The following ZNF831 variants were observed in gnomAD, a reference collection of about 807,000 sequenced individuals.
ZNF831 encodes zinc finger protein 831, also known as chromosome 20 open reading frame 174.
ZNF831 carries 59 observed loss-of-function variants against 95.8 expected under a neutral mutation model. The ratio of observed to expected loss-of-function variants is 0.62; its 90% CI spans 0.50 to 0.77. ZNF831 has a LOEUF of 0.77. Among genes scored for constraint, ZNF831 ranks in the 30% least tolerant of loss-of-function variants. The pLI, the probability that ZNF831 is intolerant of heterozygous loss-of-function variation, is 0.00. For missense variants in ZNF831, 2,205 were observed against 2,164.0 expected, an observed-to-expected ratio of 1.02 and a Z score of -0.38; for synonymous variants, 961 against 925.5, an observed-to-expected ratio of 1.04 and a Z score of -0.70.
intron 1 of ZNF831, among the ~76,000 whole-genome samples, chr20:59,126,680 C>T (rs1417131609): frequency 6.6e-6 from 1 of 152,220 alleles, no homozygotes; most frequent in African/African-American, 2.4e-5. Context: ...CATGCATGGC[C>T]TGAGGCCACG....
At chr20:59,148,714 AAAAAAAAAAAG>A (rs1980038097) in intron 2 of ZNF831, among the ~76,000 whole-genome samples, 1 of 113,940 alleles carries the variant, frequency 8.8e-6, no homozygotes, top group Non-Finnish European at 2.1e-5. Flanking sequence ...AAAAAAAAAA[AAAAAAAAAAAG>A]AACAGAGCGT....
intron 4 of ZNF831, among the ~76,000 whole-genome samples, chr20:59,238,017 T>C (rs1987099920): frequency 6.6e-6 from 1 of 152,224 alleles, no homozygotes. Context: ...GACATATTTA[T>C]GCTAAAAATG....
At chr20:59,163,594 G>A (rs560242861), upstream of ZNF831, among the ~76,000 whole-genome samples, 1 of 152,176 alleles carries the variant, frequency 6.6e-6, no homozygotes, top group East Asian at 1.9e-4. Flanking sequence ...AAACTTGCCT[G>A]CACAGAACAA....
At position 59,254,337 on chromosome 20, in the gene ZNF831, TGCC is replaced by T; in HGVS notation, c.4629_4631del (p.Pro1544del). 1.9e-6 allele frequency: 3 copies of T among 1,614,064 alleles called. No homozygotes were observed. Among genetic ancestry groups the T allele is most frequent in the Non-Finnish European group, 2.5e-6 (3 of 1,180,016 alleles). ...GAAGAGGGCAGAGCACAGACCCTCTTGCCAGGGAGACCTTCATCTGGACAAAGA... is the reference window on the plus strand; with the variant it reads ...GAAGAGGGCAGAGCACAGACCCTCTTAGGGAGACCTTCATCTGGACAAAGA... On this transcript the variant is annotated inframe_deletion, in exon 6 of 6. Transcript: ENST00000371030. This position sits in a 1 kb window ranked among gnomAD's most constrained non-coding sequence, Gnocchi z 4.5.
chr20:59,251,044 G>C (rs1264535938), intron 4 of ZNF831, among the ~76,000 whole-genome samples: 1 of 152,174 alleles, frequency 6.6e-6, no homozygotes, highest in Non-Finnish European at 1.5e-5. Flanking sequence ...AAAAATTGCT[G>C]AGAGTATAAG....
In ZNF831 at chr20:59,193,147, C is replaced by T. The variant is rs1170946206; in HGVS notation, c.2128C>T (p.His710Tyr). Residue 710 changes from histidine to tyrosine, a missense_variant, in exon 2 of 6, where the codon CAT becomes TAT. Coordinates refer to ENST00000371030, the MANE Select transcript of ZNF831 (RefSeq NM_178457.3). ...CTCCTTGGTGACTGAACCCACTAAG[C>T]ATGGGGAGACGGTGGCCAGGAGAGG... ...EASLVTEPTKHGETVARRGDS... is the reference protein window; with the variant it reads ...EASLVTEPTKYGETVARRGDS... The T allele has an allele frequency of 6.3e-7, 1 of 1,576,410 alleles. No homozygotes were observed. Among genetic ancestry groups the T allele is most frequent in the Non-Finnish European group, 8.6e-7 (1 of 1,160,692 alleles).
rs370767028 is a variant in ZNF831, at chr20:59,193,753, G to C, written c.2734G>C (p.Ala912Pro). 3 of 1,609,252 alleles carry C rather than the reference G, an allele frequency of 1.9e-6. No individual in the cohort carries two copies. The highest frequency in any genetic ancestry group is 1.3e-5 in the African/African-American group (1 of 74,990). ...KATPLHPAAP[A>P]PAEHPSLATP... Reference sequence around the variant, plus strand: ...TACCCCACTGCATCCTGCAGCCCCAGCCCCCGCAGAGCACCCCTCGCTGGC... The same window carrying C: ...TACCCCACTGCATCCTGCAGCCCCACCCCCCGCAGAGCACCCCTCGCTGGC... Residue 912 changes from alanine to proline, a missense_variant, in exon 2 of 6, where the codon GCC (alanine) becomes CCC (proline). Coordinates refer to ENST00000371030, the MANE Select transcript of ZNF831 (RefSeq NM_178457.3).
chr20:59,173,836 T>C (rs1247113806), intron 1 of ZNF831, among the ~76,000 whole-genome samples: 1 of 152,110 alleles, frequency 6.6e-6, no homozygotes, highest in Non-Finnish European at 1.5e-5. Flanking sequence ...GGCGTAGGAA[T>C]GATTAGTTAC....
chr20:59,256,769 G>A lies in ZNF831; in HGVS notation c.*2026G>A, dbSNP rs1398024894. ...GGGACAGTGAGGAACTGAAACACAA[G>A]CACCTTCCACCAATTATTGCTGTGA... On this transcript the variant is annotated 3_prime_UTR_variant, in exon 6 of 6. Coordinates refer to ENST00000371030, the MANE Select transcript of ZNF831 (RefSeq NM_178457.3). 6.6e-6 allele frequency: 1 copy of A among 152,218 alleles called. No homozygotes were observed. Among genetic ancestry groups the A allele is most frequent in the East Asian group, 1.9e-4 (1 of 5,202 alleles). 9.4% of individuals were successfully genotyped at this position (152,218 alleles called of 1,614,324 possible).
At chr20:59,185,411 C>T (rs1982936589) in intron 1 of ZNF831, among the ~76,000 whole-genome samples, 1 of 152,112 alleles carries the variant, frequency 6.6e-6, no homozygotes, top group Admixed American at 6.5e-5. Context: ...TTTGAAGCCC[C>T]AAGCCTCCCA....
At chr20:59,211,512 T>C (rs951509546) in intron 4 of ZNF831, among the ~76,000 whole-genome samples, 1 of 151,980 alleles carries the variant, frequency 6.6e-6, no homozygotes, top group Non-Finnish European at 1.5e-5. Context: ...AGTTGGAGGG[T>C]GGAAGAATGC....
intron 4 of ZNF831, 90 bp from the exon 5 acceptor site, chr20:59,252,888 G>T: frequency 7.1e-7 from 1 of 1,403,358 alleles, no homozygotes. Flanking sequence ...GCTCAGAGGC[G>T]ATCAAGAAGT....
In ZNF831 at chr20:59,217,907, C is replaced by T. The variant is rs529414662; in HGVS notation, c.4027+10851C>T. Among the ~76,000 whole-genome samples, 52 of 152,290 alleles carry T rather than the reference C, an allele frequency of 3.4e-4. No individual in the cohort carries two copies. The South Asian group carries it at 9.7e-3, about 29-fold the overall frequency. Reference sequence around the variant, plus strand: ...CTCAGCAGAGGCACGATGGATCAGCCTGCTCTGGGGGGACTCTGTCACTGC... The same window carrying T: ...CTCAGCAGAGGCACGATGGATCAGCTTGCTCTGGGGGGACTCTGTCACTGC... On this transcript the variant is annotated intron_variant, in intron 4 of 5. Transcript: ENST00000371030. This position sits in a 1 kb window ranked among gnomAD's most constrained non-coding sequence, Gnocchi z 4.4.
At position 59,166,335 on chromosome 20, in the gene ZNF831, A is replaced by G. The variant is rs563040239; in HGVS notation, c.-37+2128A>G. Among the ~76,000 whole-genome samples the G allele has an allele frequency of 3.3e-5, 5 of 152,202 alleles. No homozygotes were observed. The East Asian group carries it at 7.7e-4, about 24-fold the overall frequency. ...GGAAGGTTGTTCCTGTTTTGATTCT[A>G]TTTACGTATTTATTACTTTCATAAA... On this transcript the variant is annotated intron_variant, in intron 1 of 5. Coordinates refer to ENST00000371030, the MANE Select transcript of ZNF831 (RefSeq NM_178457.3).
intron 1 of ZNF831, among the ~76,000 whole-genome samples, chr20:59,188,263 G>T (rs1281285539): frequency 2.6e-5 from 4 of 152,128 alleles, no homozygotes; most frequent in Admixed American, 6.5e-5. Flanking sequence ...ATCCCCACCA[G>T]TCGTGTTTAT....
chr20:59,132,332 G>T (rs906328204), intron 1 of ZNF831, among the ~76,000 whole-genome samples: 1 of 139,128 alleles, frequency 7.2e-6, no homozygotes, highest in South Asian at 2.2e-4. Context: ...TCAGTAAACT[G>T]TCTTGTATAT....
Position 59,191,527 on chromosome 20 carries a change from A to G in ZNF831, c.508A>G (p.Arg170Gly), listed in dbSNP as rs2146549130. Residue 170 changes from arginine (R) to glycine (G), a missense_variant, in exon 2 of 6, where the codon AGG becomes GGG. Transcript: ENST00000371030. ...EKHIRSHTGERPFPCATCGIA... is the reference protein window; with the variant it reads ...EKHIRSHTGEGPFPCATCGIA... Reference sequence around the variant, plus strand: ...GCACATCCGGTCCCACACGGGTGAGAGGCCCTTCCCGTGTGCCACCTGCGG... The same window carrying G: ...GCACATCCGGTCCCACACGGGTGAGGGGCCCTTCCCGTGTGCCACCTGCGG... The G allele has an allele frequency of 1.9e-6, 3 of 1,613,142 alleles. No individual in the cohort carries two copies.
chr20:59,205,794 C>A (rs73309044), intron 3 of ZNF831, among the ~76,000 whole-genome samples: 1 of 152,164 alleles, frequency 6.6e-6, no homozygotes, highest in African/African-American at 2.4e-5. Context: ...GAGCTTAAGG[C>A]ATATTGCAGG....
chr20:59,170,552 A>T (rs1301682017), intron 1 of ZNF831, among the ~76,000 whole-genome samples: 1 of 152,214 alleles, frequency 6.6e-6, no homozygotes, highest in African/African-American at 2.4e-5. Flanking sequence ...ATGGCCTGGA[A>T]TGTGGTCTAT....
Sources: allele counts gnomAD v4.1 joint callset (sites outside exome capture counted in the v4.1 genomes callset), GRCh38; gene constraint gnomAD v4.1.1; non-coding constraint Gnocchi (gnomAD v3.1); transcripts MANE v1.5; gene names NCBI Gene and HGNC (gene_info 2026-07-23, HGNC 2026-07-21).